MYO1D: variants seen among roughly 807,000 people sequenced by gnomAD.
MYO1D encodes the protein myosin ID, also known as unconventional myosin-Id.
In MYO1D, 83 loss-of-function variants were observed where a neutral mutation model predicts 122.0. The ratio of observed to expected loss-of-function variants is 0.68; its 90% CI spans 0.57 to 0.82. MYO1D has a LOEUF of 0.82. Ranked by LOEUF, MYO1D falls within the 40% of genes least tolerant of loss-of-function variation. MYO1D has a pLI of 0.00. For missense variants in MYO1D, 1,157 were observed against 1,269.5 expected, an observed-to-expected ratio of 0.91 and a Z score of 1.35; for synonymous variants, 464 against 446.9, an observed-to-expected ratio of 1.04 and a Z score of -0.48.
At chr17:32,616,533 T>C (rs2087771011) in intron 20 of MYO1D, among the ~76,000 whole-genome samples, 1 of 151,026 alleles carries the variant, frequency 6.6e-6, no homozygotes, top group South Asian at 2.1e-4. Context: ...TTGCCCAGAC[T>C]GGTCTTGAAT....
chr17:32,781,510 T>C (rs1175519117), intron 1 of MYO1D, among the ~76,000 whole-genome samples: 2 of 152,194 alleles, frequency 1.3e-5, no homozygotes, highest in Non-Finnish European at 2.9e-5. Flanking sequence ...TTAAAGTATA[T>C]ATAATATGAT....
chr17:32,741,832 T>C (rs1023954772), intron 13 of MYO1D, among the ~76,000 whole-genome samples: 1 of 151,790 alleles, frequency 6.6e-6, no homozygotes, highest in African/African-American at 2.4e-5. Context: ...GCTAACACAG[T>C]GAAACCCCGT....
At chr17:32,821,225 A>G (rs1204026430) in intron 1 of MYO1D, among the ~76,000 whole-genome samples, 1 of 152,138 alleles carries the variant, frequency 6.6e-6, no homozygotes, top group Non-Finnish European at 1.5e-5. Context: ...TTATGACTGG[A>G]TGCAAGTATA....
At chr17:32,735,290 G>C (rs2089688887) in intron 14 of MYO1D, among the ~76,000 whole-genome samples, 2 of 152,162 alleles carry the variant, frequency 1.3e-5, no homozygotes, top group African/African-American at 4.8e-5. Flanking sequence ...CTGGGTTCAA[G>C]TGATTCTCCT....
At chr17:32,655,198 T>C (rs965668599) in intron 17 of MYO1D, among the ~76,000 whole-genome samples, 5 of 152,216 alleles carry the variant, frequency 3.3e-5, no homozygotes, top group African/African-American at 1.2e-4. Flanking sequence ...TATTTATATT[T>C]AGGGCATAGA....
chr17:32,648,946 T>C (rs1227222177), intron 19 of MYO1D, among the ~76,000 whole-genome samples: 1 of 152,220 alleles, frequency 6.6e-6, no homozygotes, highest in South Asian at 2.1e-4. Flanking sequence ...TATAACTTTT[T>C]GTATTGCCAT....
At chr17:32,838,075 C>G (rs917004228) in intron 1 of MYO1D, among the ~76,000 whole-genome samples, 2 of 152,012 alleles carry the variant, frequency 1.3e-5, no homozygotes, top group Non-Finnish European at 2.9e-5. Context: ...GGTGATCACA[C>G]CCAAGCTTAG....
At chr17:32,639,361 TTTTGTGTGTGTG>T (rs1467125210) in intron 19 of MYO1D, among the ~76,000 whole-genome samples, 2,300 of 65,700 alleles carry the variant, frequency 0.035, 67 homozygotes, top group African/African-American at 0.091. Flanking sequence ...TTGGGAGAAA[TTTTGTGTGTGTG>T]TGTGTGTGTG....
intron 19 of MYO1D, among the ~76,000 whole-genome samples, chr17:32,640,654 C>G (rs546293512): frequency 5.3e-5 from 8 of 151,094 alleles, no homozygotes; most frequent in South Asian, 2.1e-4. Context: ...AGGACATGAA[C>G]TAATCATTTT....
chr17:32,824,403 T>C (rs1170123899), intron 1 of MYO1D, among the ~76,000 whole-genome samples: 3 of 152,210 alleles, frequency 2.0e-5, no homozygotes, highest in African/African-American at 7.2e-5. Context: ...AAAGAGATAT[T>C]TGTCCTTTCA....
At chr17:32,736,695 G>C (rs1284819910) in intron 14 of MYO1D, among the ~76,000 whole-genome samples, 2 of 152,166 alleles carry the variant, frequency 1.3e-5, no homozygotes, top group East Asian at 3.8e-4. Flanking sequence ...TAACTACCAA[G>C]TTTAGAAAAC....
At chr17:32,741,740 A>G (rs1342315946) in intron 13 of MYO1D, among the ~76,000 whole-genome samples, 1 of 152,202 alleles carries the variant, frequency 6.6e-6, no homozygotes, top group Non-Finnish European at 1.5e-5. Flanking sequence ...CACATTCAAC[A>G]TATACCATGG....
chr17:32,704,214 G>A (rs1027386438), intron 16 of MYO1D, among the ~76,000 whole-genome samples: 12 of 152,310 alleles, frequency 7.9e-5, no homozygotes, highest in Admixed American at 6.5e-4. Context: ...AATGTAGAGG[G>A]TATATGGGTA....
At chr17:32,506,972 C>A (rs746880515) in intron 21 of MYO1D, among the ~76,000 whole-genome samples, 2 of 152,090 alleles carry the variant, frequency 1.3e-5, no homozygotes, top group African/African-American at 4.8e-5. Flanking sequence ...CAGAGTGAGA[C>A]CCTGTCTCAG....
chr17:32,632,620 CACACACAT>C (rs753301445), intron 20 of MYO1D: 16,440 of 142,762 alleles, frequency 0.12, 1,067 homozygotes, highest in South Asian at 0.25. Context: ...CACACACACA[CACACACAT>C]ATATATATAT....
chr17:32,656,568 C>T (rs977908695), intron 17 of MYO1D, among the ~76,000 whole-genome samples: 1 of 152,182 alleles, frequency 6.6e-6, no homozygotes, highest in Non-Finnish European at 1.5e-5. Flanking sequence ...TGCAGTGAGG[C>T]AGGCCACATG....
intron 15 of MYO1D, among the ~76,000 whole-genome samples, chr17:32,714,174 A>G: frequency 6.6e-6 from 1 of 151,838 alleles, no homozygotes; most frequent in East Asian, 1.9e-4. Context: ...TTACCTAGGT[A>G]TTAAGCCCAG....
intron 21 of MYO1D, among the ~76,000 whole-genome samples, chr17:32,559,827 A>G (rs2087101540): frequency 6.6e-6 from 1 of 152,148 alleles, no homozygotes; most frequent in South Asian, 2.1e-4. Flanking sequence ...ATTTAAATCA[A>G]TTATATCCAT....
chr17:32,632,263 G>C (rs2088017772), intron 20 of MYO1D: 1 of 152,130 alleles, frequency 6.6e-6, no homozygotes, highest in African/African-American at 2.4e-5. Context: ...AATAAGAGTA[G>C]CAGACTGGAA....
Sources: allele counts gnomAD v4.1 joint callset (sites outside exome capture counted in the v4.1 genomes callset), GRCh38; gene constraint gnomAD v4.1.1; transcripts MANE v1.5; gene names NCBI Gene and HGNC (gene_info 2026-07-23, HGNC 2026-07-21).